Variants in SIRPA observed in about 807,000 individuals in gnomAD.
SIRPA encodes the protein tyrosine-protein phosphatase non-receptor type substrate 1.
A neutral mutation model predicts 50.3 loss-of-function variants in SIRPA; 9 were observed. The ratio of observed to expected loss-of-function variants is 0.18; its 90% confidence interval spans 0.11 to 0.31. The LOEUF is 0.31. Ranked by LOEUF, SIRPA falls within the 10% of genes least tolerant of loss-of-function variation. SIRPA has a pLI of 1.00. For synonymous variants in SIRPA, 265 were observed against 284.1 expected (o/e 0.93, Z 0.68); for missense variants, 474 against 661.6 (o/e 0.72, Z 3.11).
intron 2 of SIRPA, among the ~76,000 whole-genome samples, chr20:1,916,814 G>A (rs1356553888): frequency 6.6e-6 from 1 of 152,188 alleles, no homozygotes; most frequent in Non-Finnish European, 1.5e-5. Context: ...ACCTTACTCA[G>A]GTGGGAGACG....
At chr20:1,916,823 C>T (rs888575620) in intron 2 of SIRPA, among the ~76,000 whole-genome samples, 1 of 152,150 alleles carries the variant, frequency 6.6e-6, no homozygotes, top group Non-Finnish European at 1.5e-5. Context: ...AGGTGGGAGA[C>T]GCCCACTGCA....
chr20:1,912,024 G>A (rs1056206452), intron 1 of SIRPA, among the ~76,000 whole-genome samples: 3 of 151,512 alleles, frequency 2.0e-5, no homozygotes, highest in African/African-American at 4.9e-5. Context: ...CACTTACGTC[G>A]CACTTTTAAA....
At chr20:1,929,312 G>A (rs1460363107) in intron 6 of SIRPA, among the ~76,000 whole-genome samples, 1 of 152,074 alleles carries the variant, frequency 6.6e-6, no homozygotes, top group Non-Finnish European at 1.5e-5. Flanking sequence ...ATGGTGACCT[G>A]GACCAAAGTG....
intron 1 of SIRPA, among the ~76,000 whole-genome samples, chr20:1,899,969 T>C (rs1331718300): frequency 1.3e-5 from 2 of 152,254 alleles, no homozygotes; most frequent in Non-Finnish European, 1.5e-5. Flanking sequence ...TCCTCTTTTT[T>C]AACAATTGGG....
In SIRPA at chr20:1,922,400, A is replaced by G. The variant is rs777166825; in HGVS notation, c.842A>G (p.Gln281Arg). The G allele has an allele frequency of 8.1e-6, 13 of 1,614,260 alleles. No homozygotes were observed. In the Admixed American group the frequency reaches 2.2e-4, roughly 27 times the overall value. The change falls in exon 4 of 8, where the codon CAG (glutamine) becomes CGG (arginine). Residue 281 changes from glutamine to arginine, a missense_variant. Gln to Arg is a conservative substitution (Grantham distance 43, BLOSUM62 1). This residue lies in a region of SIRPA where 221 missense variants were observed against 359.9 expected (regional missense o/e 0.61). Coordinates refer to ENST00000358771, the MANE Select transcript of SIRPA (RefSeq NM_001040023.2). ...TGCCAGGTGAGGAAGTTCTACCCCC[A>G]GAGACTACAGCTGACCTGGTTGGAG... ...VTCQVRKFYP[Q>R]RLQLTWLENG...
At chr20:1,910,467 A>G (rs1019510691) in intron 1 of SIRPA, among the ~76,000 whole-genome samples, 3 of 152,232 alleles carry the variant, frequency 2.0e-5, no homozygotes, top group African/African-American at 4.8e-5. Flanking sequence ...CCCAGATGCA[A>G]CACACCACAG....
chr20:1,903,693 C>T (rs1460366373), intron 1 of SIRPA, among the ~76,000 whole-genome samples: 1 of 152,194 alleles, frequency 6.6e-6, no homozygotes, highest in Non-Finnish European at 1.5e-5. Flanking sequence ...GGCCTTTGCA[C>T]TGGCTGTCTC....
At position 1,922,326 on chromosome 20, in the gene SIRPA, G is replaced by C; in HGVS notation, c.768G>C (p.Leu256Phe). Residue 256 changes from leucine (L) to phenylalanine (F), a missense_variant, in exon 4 of 8, where the codon TTG becomes TTC. Leu to Phe is a conservative substitution (Grantham distance 22). Around this residue, in one of 4 missense-constraint regions of SIRPA, gnomAD observed 221 missense variants for 359.9 expected, o/e 0.61. Coordinates refer to ENST00000358771, the MANE Select transcript of SIRPA (RefSeq NM_001040023.2). ...LSETIRVPPT[L>F]EVTQQPVRAE... ...GTGCTGTTTCAGTTCCACCCACCTTGGAGGTTACTCAACAGCCCGTGAGGG... is the reference window on the plus strand; with the variant it reads ...GTGCTGTTTCAGTTCCACCCACCTTCGAGGTTACTCAACAGCCCGTGAGGG... 2 of 1,614,022 alleles carry C rather than the reference G, an allele frequency of 1.2e-6. No individual in the cohort carries two copies. Among genetic ancestry groups the C allele is most frequent in the Non-Finnish European group, 1.7e-6 (2 of 1,179,924 alleles).
In SIRPA at chr20:1,898,489, C is replaced by T. The variant is rs1197912227; in HGVS notation, c.79+2963C>T. 2.6e-5 allele frequency among the ~76,000 whole-genome samples: 4 copies of T among 152,082 alleles called. No homozygotes were observed. The highest frequency in any genetic ancestry group is 4.8e-5 in the African/African-American group (2 of 41,420). On this transcript the variant is annotated intron_variant, in intron 1 of 7. Transcript: ENST00000358771. The surrounding 1 kb of genome is among the most constrained non-coding windows in gnomAD (Gnocchi z 4.3). ...TTAGATAGTTAATGGCGTTCCAGGC[C>T]GGATGCTGCTCCTGCGTCGTCTCAC...
chr20:1,908,552 T>C lies in SIRPA; in HGVS notation c.80-6547T>C, dbSNP rs568984567. On this transcript the variant is annotated intron_variant, in intron 1 of 7. Coordinates refer to ENST00000358771, the MANE Select transcript of SIRPA (RefSeq NM_001040023.2). ...CAGTCCTGTGTTGCACTCTGACATATTCCGGCACACAGGCACCGTCTCTTT... is the reference window on the plus strand; with the variant it reads ...CAGTCCTGTGTTGCACTCTGACATACTCCGGCACACAGGCACCGTCTCTTT... Among the ~76,000 whole-genome samples the C allele has an allele frequency of 1.7e-3, 255 of 152,266 alleles. 1 individual carries two copies. The highest frequency in any genetic ancestry group is 0.01 in the Middle Eastern group (3 of 294).
chr20:1,923,335 C>T (rs1434114782), intron 4 of SIRPA, among the ~76,000 whole-genome samples: 1 of 152,214 alleles, frequency 6.6e-6, no homozygotes, highest in Non-Finnish European at 1.5e-5. Context: ...TCAGTGCAGC[C>T]ATGGAATATT....
Position 1,908,335 on chromosome 20 carries a change from TCA to T in SIRPA, c.80-6758_80-6757del, listed in dbSNP as rs995090774. On this transcript the variant is annotated intron_variant, in intron 1 of 7. Transcript: ENST00000358771. ...TCACATTTACGCATACAGCACTCTG[TCA>T]CACACGTGCCACCCCCCACACACAC... Among the ~76,000 whole-genome samples, 17 of 152,014 alleles carry T rather than the reference TCA, an allele frequency of 1.1e-4. No homozygotes were observed. In the East Asian group the frequency reaches 1.2e-3, roughly 10 times the overall value.
intron 1 of SIRPA, among the ~76,000 whole-genome samples, chr20:1,907,203 C>G (rs1321726053): frequency 6.6e-6 from 1 of 151,954 alleles, no homozygotes; most frequent in Non-Finnish European, 1.5e-5. Context: ...GAGTGGGGAC[C>G]CTGAGCCCCT....
Position 1,927,356 on chromosome 20 carries a change from T to C in SIRPA, c.1202-519T>C, listed in dbSNP as rs2122146618. Among the ~76,000 whole-genome samples, 1 of 152,168 alleles carries C rather than the reference T, an allele frequency of 6.6e-6. No homozygotes were observed. The highest frequency in any genetic ancestry group is 3.4e-3 in the Middle Eastern group (1 of 294). The stretch of plus-strand genomic sequence containing the variant: ...ATCCTTTTTTTGGAAAGTGGTGGCA[T>C]GTAAATAAATGGATGCTCAGCCCAA... On this transcript the variant is annotated intron_variant, in intron 5 of 7. Transcript: ENST00000358771. The surrounding 1 kb of genome is among the most constrained non-coding windows in gnomAD (Gnocchi z 6.5).
upstream of SIRPA, chr20:1,894,417 G>A (rs1983631556): frequency 1.3e-5 from 2 of 152,156 alleles, no homozygotes; most frequent in East Asian, 2.0e-4. This position sits in a 1 kb window ranked among gnomAD's most constrained non-coding sequence, Gnocchi z 4.0. Flanking sequence ...TCGCAGCGCT[G>A]ACCTTAGAAA....
intron 1 of SIRPA, among the ~76,000 whole-genome samples, chr20:1,904,989 G>A (rs185209098): frequency 4.6e-5 from 7 of 152,278 alleles, no homozygotes; most frequent in South Asian, 2.1e-4. Flanking sequence ...CTGAGCCTCC[G>A]TTTCCCCATC....
At chr20:1,908,672 G>A (rs994592129) in intron 1 of SIRPA, among the ~76,000 whole-genome samples, 1 of 152,124 alleles carries the variant, frequency 6.6e-6, no homozygotes, top group Admixed American at 6.5e-5. Flanking sequence ...GTGTTCTCGT[G>A]TGCATACTCT....
chr20:1,935,680 AATG>A (rs1416355416), intron 7 of SIRPA, among the ~76,000 whole-genome samples: 1 of 152,216 alleles, frequency 6.6e-6, no homozygotes, highest in African/African-American at 2.4e-5. Flanking sequence ...GGGGGAAAAA[AATG>A]ATGGTGAGAA....
At chr20:1,923,598 G>C (rs1265817523) in intron 4 of SIRPA, among the ~76,000 whole-genome samples, 1 of 152,226 alleles carries the variant, frequency 6.6e-6, no homozygotes, top group East Asian at 1.9e-4. Context: ...AGGACGTGTA[G>C]GGCATCGGCC....
Sources: gnomAD v4.1 joint callset for allele counts (sites outside exome capture counted in the v4.1 genomes callset) on GRCh38, gnomAD v4.1.1 for gene constraint, gnomAD v4.1.1 regional missense constraint, Gnocchi (gnomAD v3.1) non-coding constraint, MANE v1.5 for transcripts, NCBI Gene and HGNC (gene_info 2026-07-23, HGNC 2026-07-21) for gene names.